The following SPPL3 variants were observed in gnomAD, a reference collection of about 807,000 sequenced individuals.
SPPL3 encodes signal peptide peptidase like 3.
A neutral mutation model predicts 42.4 loss-of-function variants in SPPL3; 5 were observed. The observed-to-expected ratio is 0.12, with a 90% CI of 0.06 to 0.25. SPPL3 has a LOEUF of 0.25. Ranked by LOEUF, SPPL3 falls within the 10% of genes least tolerant of loss-of-function variation. The pLI is 1.00. For synonymous variants in SPPL3, 195 were observed against 181.8 expected (o/e 1.07, Z -0.58); for missense variants, 235 against 489.0 (o/e 0.48, Z 4.90).
At chr12:120,841,816 C>T (rs914983776) in intron 1 of SPPL3, among the ~76,000 whole-genome samples, 1 of 152,166 alleles carries the variant, frequency 6.6e-6, no homozygotes, top group African/African-American at 2.4e-5. Flanking sequence ...GTCAGAGAGG[C>T]TCAATATCTG....
intron 7 of SPPL3, 36 bp from the exon 8 acceptor site, chr12:120,768,524 T>C (rs375890089): frequency 1.1e-5 from 17 of 1,584,914 alleles, no homozygotes; most frequent in South Asian, 1.0e-4. Context: ...ACAGAGGGAG[T>C]TGGAAGCAAC....
chr12:120,802,395 ATATGTG>A (rs1352535213), intron 2 of SPPL3, among the ~76,000 whole-genome samples: 2 of 116,374 alleles, frequency 1.7e-5, no homozygotes, highest in African/African-American at 1.0e-4. Flanking sequence ...ATATACACAT[ATATGTG>A]TGTGTGTGTG....
intron 9 of SPPL3, 105 bp from the exon 10 acceptor site, chr12:120,766,477 C>A: frequency 1.2e-6 from 1 of 864,488 alleles, no homozygotes; most frequent in Non-Finnish European, 1.7e-6. Context: ...TGCTGTCGTC[C>A]ATTCTATGGT....
At chr12:120,845,213 G>C (rs1871980427) in intron 1 of SPPL3, 2 of 445,522 alleles carry the variant, frequency 4.5e-6, no homozygotes, top group Non-Finnish European at 4.6e-6. Context: ...ATGTGGCAAA[G>C]GGAGTGCAGT....
intron 1 of SPPL3, among the ~76,000 whole-genome samples, chr12:120,843,361 A>C (rs1050062034): frequency 1.3e-5 from 2 of 152,142 alleles, no homozygotes; most frequent in African/African-American, 4.8e-5. Flanking sequence ...TGACCCATTC[A>C]TATCTACTCT....
intron 2 of SPPL3, among the ~76,000 whole-genome samples, chr12:120,806,532 C>T (rs1454949214): frequency 6.6e-6 from 1 of 151,894 alleles, no homozygotes; most frequent in Non-Finnish European, 1.5e-5. Context: ...ATGTAAGAAG[C>T]AAAACTATAA....
intron 1 of SPPL3, among the ~76,000 whole-genome samples, chr12:120,818,820 AAAT>A (rs1870961516): frequency 2.3e-5 from 2 of 86,022 alleles, no homozygotes; most frequent in Non-Finnish European, 4.9e-5. Flanking sequence ...GAAAAAGTTA[AAAT>A]ATTATTTATA....
chr12:120,848,040 C>T (rs1296053622), intron 1 of SPPL3, among the ~76,000 whole-genome samples: 1 of 152,156 alleles, frequency 6.6e-6, no homozygotes, highest in Non-Finnish European at 1.5e-5. Context: ...TAGTCTTGTT[C>T]ATCACACTGG....
At chr12:120,769,307 GA>G (rs1274694368) in intron 6 of SPPL3, 6 of 370,638 alleles carry the variant, frequency 1.6e-5, no homozygotes, top group African/African-American at 1.2e-4. Flanking sequence ...GGAGACCCAG[GA>G]AACCAGTCCA....
intron 1 of SPPL3, among the ~76,000 whole-genome samples, chr12:120,877,730 G>A (rs555015638): frequency 3.0e-4 from 45 of 149,054 alleles, no homozygotes; most frequent in African/African-American, 8.9e-4. Flanking sequence ...GCAGTGAGCC[G>A]AGATCGTGCC....
chr12:120,838,298 T>A (rs1233998462), intron 1 of SPPL3, among the ~76,000 whole-genome samples: 1 of 152,198 alleles, frequency 6.6e-6, no homozygotes, highest in Non-Finnish European at 1.5e-5. Context: ...GAGGTGTGAC[T>A]CTGTAGTAGA....
intron 2 of SPPL3, among the ~76,000 whole-genome samples, chr12:120,798,728 C>A (rs748457372): frequency 3.3e-5 from 5 of 152,190 alleles, no homozygotes; most frequent in Admixed American, 6.5e-5. Context: ...TATTCTGCTT[C>A]TCAGAATCTG....
chr12:120,853,827 A>G (rs1381647653), intron 1 of SPPL3, among the ~76,000 whole-genome samples: 1 of 152,206 alleles, frequency 6.6e-6, no homozygotes, highest in Non-Finnish European at 1.5e-5. Flanking sequence ...AGTTTTAGAT[A>G]AAATTCACAT....
At chr12:120,765,295 T>C (rs531221872) in intron 10 of SPPL3, among the ~76,000 whole-genome samples, 1 of 152,070 alleles carries the variant, frequency 6.6e-6, no homozygotes, top group Admixed American at 6.6e-5. Flanking sequence ...TGATATTTTT[T>C]TTTTTTGAGA....
chr12:120,856,157 A>C (rs1246640193), intron 1 of SPPL3, among the ~76,000 whole-genome samples: 1 of 152,142 alleles, frequency 6.6e-6, no homozygotes, highest in African/African-American at 2.4e-5. Flanking sequence ...AAATAGCCCC[A>C]TGTGGCCAGT....
chr12:120,767,467 A>G lies in SPPL3; in HGVS notation c.900T>C (p.Pro300=), dbSNP rs1347310585. The G allele has an allele frequency of 6.2e-7, 1 of 1,614,192 alleles. No individual in the cohort carries two copies. The highest frequency in any genetic ancestry group is 8.5e-7 in the Non-Finnish European group (1 of 1,180,034). Residue 300 remains proline, a synonymous_variant, in exon 9 of 11, where the codon CCT becomes CCC. Coordinates refer to ENST00000353487, the MANE Select transcript of SPPL3 (RefSeq NM_139015.5). ...KQASGDSCGA[P]GPANISGRMQ... ...TGCGCCCGGAGATGTTGGCAGGTCC[A>G]GGGGCCCCACAGGAGTCCCCACTGG...
chr12:120,851,664 C>T (rs535343053), intron 1 of SPPL3, among the ~76,000 whole-genome samples: 15 of 152,174 alleles, frequency 9.9e-5, no homozygotes, highest in African/African-American at 3.1e-4. Context: ...AGTGCAGTGG[C>T]GCAAACACGA....
At chr12:120,833,711 A>G (rs1425084832) in intron 1 of SPPL3, among the ~76,000 whole-genome samples, 4 of 138,312 alleles carry the variant, frequency 2.9e-5, no homozygotes, top group Non-Finnish European at 5.1e-5. Context: ...AGAGAAAAAA[A>G]GGAGGAAAAA....
At chr12:120,900,394 T>C (rs999422275) in intron 1 of SPPL3, among the ~76,000 whole-genome samples, 4 of 150,156 alleles carry the variant, frequency 2.7e-5, no homozygotes, top group Non-Finnish European at 4.4e-5. Context: ...GGCAGATCAC[T>C]TGGGCTGAGT....
Sources: gnomAD v4.1 joint callset for allele counts (sites outside exome capture counted in the v4.1 genomes callset) on GRCh38, gnomAD v4.1.1 for gene constraint, MANE v1.5 for transcripts, NCBI Gene and HGNC (gene_info 2026-07-23, HGNC 2026-07-21) for gene names.